Variants in PPFIA1 observed in about 807,000 individuals in gnomAD.
PPFIA1 encodes the protein liprin-alpha-1.
PPFIA1 carries 25 observed loss-of-function variants against 149.9 expected under a neutral mutation model. The ratio of observed to expected loss-of-function variants is 0.17; its 90% confidence interval spans 0.12 to 0.23. The LOEUF is 0.23. Ranked by LOEUF, PPFIA1 falls within the 10% of genes least tolerant of loss-of-function variation. The pLI, the probability that PPFIA1 is intolerant of heterozygous loss-of-function variation, is 1.00. For missense variants in PPFIA1, 1,362 were observed against 1,506.5 expected (o/e 0.90, Z 1.59); for synonymous variants, 549 against 552.8 (o/e 0.99, Z 0.10).
At chr11:70,283,994 T>G in intron 2 of PPFIA1, 1 of 533,640 alleles carries the variant, frequency 1.9e-6, no homozygotes, top group Non-Finnish European at 3.8e-6. Flanking sequence ...GCAAAAGTAC[T>G]TGCGGATTTT....
chr11:70,368,534 G>A (rs1488529055), intron 21 of PPFIA1, among the ~76,000 whole-genome samples: 2 of 152,178 alleles, frequency 1.3e-5, no homozygotes, highest in African/African-American at 4.8e-5. Flanking sequence ...CCTTCGATAT[G>A]TGTGTGTATA....
chr11:70,334,545 A>C (rs2054854895), intron 10 of PPFIA1: 1 of 152,268 alleles, frequency 6.6e-6, no homozygotes, highest in Non-Finnish European at 1.5e-5. Flanking sequence ...ATGCTGACGG[A>C]AAATAAGCAC....
chr11:70,271,081 G>A (rs1294360878), intron 1 of PPFIA1, 167 bp downstream of exon 1: 1 of 151,954 alleles, frequency 6.6e-6, no homozygotes, highest in Non-Finnish European at 1.5e-5. Flanking sequence ...GAGCTCCGGC[G>A]GGACACCCGC....
At position 70,375,031 on chromosome 11, in the gene PPFIA1, G is replaced by C. The variant is rs2057425544; in HGVS notation, c.3253G>C (p.Asp1085His). 1 of 1,613,842 alleles carries C rather than the reference G, an allele frequency of 6.2e-7. No individual in the cohort carries two copies. The highest frequency in any genetic ancestry group is 2.2e-5 in the East Asian group (1 of 44,870). Reference sequence around the variant, plus strand: ...TGTTCACGGAGCACTTCTGGCCTTAGATGAAACCTTCGACTTCAGTGCACT... The same window carrying C: ...TGTTCACGGAGCACTTCTGGCCTTACATGAAACCTTCGACTTCAGTGCACT... ...SGVHGALLAL[D>H]ETFDFSALAL... is the part of the protein sequence containing the mutation. Residue 1085 changes from aspartate (D) to histidine (H), a missense_variant, in exon 24 of 28, where the codon GAT (aspartate) becomes CAT (histidine). Asp to His is a moderately conservative substitution (Grantham distance 81, BLOSUM62 -1). Transcript: ENST00000253925.
chr11:70,272,003 T>C (rs1212517293), intron 1 of PPFIA1, 170 bp from the exon 2 acceptor site: 5 of 772,418 alleles, frequency 6.5e-6, no homozygotes, highest in Non-Finnish European at 8.5e-6. Context: ...ATTTTTGCAC[T>C]TAATATTTGC....
intron 4 of PPFIA1, 126 bp downstream of exon 4, chr11:70,325,137 C>A: frequency 1.0e-6 from 1 of 957,758 alleles, no homozygotes; most frequent in Non-Finnish European, 1.5e-6. Context: ...TCTAAGAAGA[C>A]AGGGTTTTGT....
rs538707594 is a variant in PPFIA1, at chr11:70,299,422, A to G, written c.265-24980A>G. Among the ~76,000 whole-genome samples the G allele has an allele frequency of 5.9e-5, 9 of 152,280 alleles. No individual in the cohort carries two copies. In the South Asian group the frequency reaches 1.7e-3, roughly 28 times the overall value. The stretch of plus-strand genomic sequence containing the variant: ...GGCATTAGGGATTTCTTTTCATGTT[A>G]GGTAAACCCCTGTGAAAAGAATCAA... On this transcript the variant is annotated intron_variant, in intron 2 of 27. Coordinates refer to ENST00000253925, the MANE Select transcript of PPFIA1 (RefSeq NM_003626.5).
At chr11:70,303,514 C>T (rs1039724840) in intron 2 of PPFIA1, among the ~76,000 whole-genome samples, 1 of 152,190 alleles carries the variant, frequency 6.6e-6, no homozygotes, top group Non-Finnish European at 1.5e-5. Context: ...AATTGCTTAC[C>T]TGTGAACTCT....
At chr11:70,333,878 C>T (rs2054817257) in intron 10 of PPFIA1, among the ~76,000 whole-genome samples, 1 of 152,116 alleles carries the variant, frequency 6.6e-6, no homozygotes, top group African/African-American at 2.4e-5. Flanking sequence ...CGGCGTGGCC[C>T]CCCTACCCCC....
intron 2 of PPFIA1, among the ~76,000 whole-genome samples, chr11:70,282,676 C>G (rs1387429814): frequency 6.7e-6 from 1 of 150,008 alleles, no homozygotes; most frequent in Non-Finnish European, 1.5e-5. Flanking sequence ...CTACAGGTGC[C>G]CGCCACTACA....
At chr11:70,349,281 A>C (rs1350363042) in intron 16 of PPFIA1, among the ~76,000 whole-genome samples, 1 of 152,134 alleles carries the variant, frequency 6.6e-6, no homozygotes, top group East Asian at 1.9e-4. Flanking sequence ...CTGGAAATGC[A>C]ATGACCTTCT....
intron 2 of PPFIA1, among the ~76,000 whole-genome samples, chr11:70,272,717 G>A (rs182707176): frequency 2.6e-5 from 4 of 152,274 alleles, no homozygotes; most frequent in East Asian, 1.9e-4. Context: ...TTGAAAAAGG[G>A]CTCTGAAGCA....
chr11:70,336,988 A>C (rs2137024854), intron 11 of PPFIA1, among the ~76,000 whole-genome samples: 1 of 152,346 alleles, frequency 6.6e-6, no homozygotes, highest in South Asian at 2.1e-4. Flanking sequence ...GGTCAGCCTT[A>C]ATGGAGCAGT....
At chr11:70,314,821 GA>G (rs1379244982) in intron 2 of PPFIA1, among the ~76,000 whole-genome samples, 1 of 152,110 alleles carries the variant, frequency 6.6e-6, no homozygotes, top group East Asian at 1.9e-4. Flanking sequence ...ACACCGCTAT[GA>G]AAAAATACCA....
chr11:70,348,381 C>A lies in PPFIA1; in HGVS notation c.2124C>A (p.Ser708Arg). 1.9e-6 allele frequency: 3 copies of A among 1,613,796 alleles called. No homozygotes were observed. The highest frequency in any genetic ancestry group is 2.5e-6 in the Non-Finnish European group (3 of 1,179,664). The part of the protein sequence containing the change: ...GRSTPRRIPH[S>R]PAREVDRLGV... ...CCACCCCACGAAGGATCCCTCACAG[C>A]CCAGCTCGGGAAGTGGACAGACTGG... Residue 708 changes from serine to arginine, a missense_variant, in exon 16 of 28, where the codon AGC (serine) becomes AGA (arginine). Around this residue, in one of 7 missense-constraint regions of PPFIA1, gnomAD observed 733 missense variants for 744.1 expected, o/e 0.99. Coordinates refer to ENST00000253925, the MANE Select transcript of PPFIA1 (RefSeq NM_003626.5).
chr11:70,340,952 A>G (rs1388210215), intron 14 of PPFIA1: 4 of 339,740 alleles, frequency 1.2e-5, no homozygotes, highest in Non-Finnish European at 2.3e-5. Flanking sequence ...TTGCATTGTG[A>G]TGCAAGCAGC....
At chr11:70,349,033 T>C (rs1470368021) in intron 16 of PPFIA1, among the ~76,000 whole-genome samples, 1 of 141,200 alleles carries the variant, frequency 7.1e-6, no homozygotes, top group African/African-American at 2.7e-5. Flanking sequence ...TTAGCAAAAG[T>C]AAATAAAGGC....
intron 13 of PPFIA1, 49 bp downstream of exon 13, chr11:70,338,502 C>G (rs913458461): frequency 6.7e-7 from 1 of 1,498,968 alleles, no homozygotes; most frequent in Non-Finnish European, 9.3e-7. Context: ...CTGTGGCAGG[C>G]CAGTTCTTGG....
chr11:70,344,772 TC>T (rs2055582238), intron 15 of PPFIA1, among the ~76,000 whole-genome samples: 1 of 152,194 alleles, frequency 6.6e-6, no homozygotes, highest in Non-Finnish European at 1.5e-5. Context: ...AATGCCTGCA[TC>T]CCAGAGGACA....
Sources: gnomAD v4.1 joint callset for allele counts (sites outside exome capture counted in the v4.1 genomes callset) on GRCh38, gnomAD v4.1.1 for gene constraint, gnomAD v4.1.1 regional missense constraint, MANE v1.5 for transcripts, NCBI Gene and HGNC (gene_info 2026-07-23, HGNC 2026-07-21) for gene names.